The following GRM5 variants were observed in gnomAD, a reference collection of about 807,000 sequenced individuals.
The protein encoded by GRM5 is glutamate metabotropic receptor 5.
GRM5 carries 19 observed loss-of-function variants against 83.1 expected under a neutral mutation model. The ratio of observed to expected loss-of-function variants is 0.23; its 90% CI spans 0.16 to 0.34. The LOEUF (loss-of-function observed/expected upper bound fraction) is 0.34, where lower values mean the gene tolerates loss of function less well. GRM5 is among the 10% of genes least tolerant of loss of function. The pLI is 1.00. For synonymous variants in GRM5, 675 were observed against 633.6 expected (o/e 1.07, Z -0.98); for missense variants, 1,160 against 1,588.3 (o/e 0.73, Z 4.58).
chr11:89,029,725 T>G (rs1941216814), intron 2 of GRM5, among the ~76,000 whole-genome samples: 1 of 152,182 alleles, frequency 6.6e-6, no homozygotes, highest in Non-Finnish European at 1.5e-5. Flanking sequence ...TGAGGCCTAC[T>G]GAAACTTTTT....
At chr11:88,911,320 G>C (rs1682521008) in intron 2 of GRM5, among the ~76,000 whole-genome samples, 1 of 152,078 alleles carries the variant, frequency 6.6e-6, no homozygotes, top group African/African-American at 2.4e-5. Flanking sequence ...AGCTTGTGTG[G>C]TGTCTGTATC....
chr11:88,987,511 G>A (rs1201190503), intron 2 of GRM5, among the ~76,000 whole-genome samples: 1 of 151,762 alleles, frequency 6.6e-6, no homozygotes, highest in African/African-American at 2.4e-5. Flanking sequence ...GCCCACCACA[G>A]CTCAAGGAGG....
chr11:88,516,723 G>GTTT (rs5793328), intron 9 of GRM5, among the ~76,000 whole-genome samples: 2 of 148,338 alleles, frequency 1.3e-5, no homozygotes, highest in African/African-American at 2.5e-5. Context: ...GATTATCCTG[G>GTTT]TTTTTTTTTT....
chr11:88,596,809 CGT>C (rs1937820307), intron 6 of GRM5, among the ~76,000 whole-genome samples: 2 of 151,950 alleles, frequency 1.3e-5, no homozygotes, highest in Admixed American at 1.3e-4. Context: ...GACAATAAAG[CGT>C]GTCTCATTTA....
intron 2 of GRM5, among the ~76,000 whole-genome samples, chr11:88,953,036 TAGAG>T (rs1346944791): frequency 1.3e-5 from 2 of 152,172 alleles, no homozygotes; most frequent in African/African-American, 4.8e-5. Flanking sequence ...ATAAAATGAA[TAGAG>T]AGTGAAGAAA....
chr11:88,529,419 C>T lies in GRM5; in HGVS notation c.2631-4015G>A, dbSNP rs186044273. On this transcript the variant is annotated intron_variant, in intron 8 of 9. Coordinates refer to ENST00000305447, the MANE Select transcript of GRM5 (RefSeq NM_001143831.3). Reference sequence around the variant, plus strand: ...TCTGAAAAATTGAGCAGACATGCACCGTGAAGAGAAAATCAGGTGCAAACA... The same window carrying T: ...TCTGAAAAATTGAGCAGACATGCACTGTGAAGAGAAAATCAGGTGCAAACA... 2.8e-3 allele frequency among the ~76,000 whole-genome samples: 419 copies of T among 150,782 alleles called. 2 individuals carry two copies. Among genetic ancestry groups the T allele is most frequent in the African/African-American group, 8.3e-3 (339 of 41,060 alleles).
At chr11:88,729,279 G>T (rs773386810) in intron 3 of GRM5, among the ~76,000 whole-genome samples, 12 of 151,854 alleles carry the variant, frequency 7.9e-5, no homozygotes, top group African/African-American at 1.2e-4. Flanking sequence ...ATTCACAGTT[G>T]CTACAAAGAG....
At chr11:88,830,661 C>T (rs1943973270) in intron 3 of GRM5, among the ~76,000 whole-genome samples, 1 of 152,198 alleles carries the variant, frequency 6.6e-6, no homozygotes, top group Non-Finnish European at 1.5e-5. Context: ...TCTACCCACA[C>T]TGGCTGTGAG....
At chr11:89,015,714 A>G (rs1250659079) in intron 2 of GRM5, among the ~76,000 whole-genome samples, 2 of 152,150 alleles carry the variant, frequency 1.3e-5, no homozygotes, top group Non-Finnish European at 2.9e-5. Context: ...TGTACATTGA[A>G]CTTTTCATTA....
At chr11:88,821,344 C>CAAAAAAAAAAAAAAAAAAAAAAAA (rs375051761) in intron 3 of GRM5, among the ~76,000 whole-genome samples, 1 of 68,166 alleles carries the variant, frequency 1.5e-5, no homozygotes, top group African/African-American at 4.4e-5. Context: ...CTTGAGGGGC[C>CAAAAAAAAAAAAAAAAAAAAAAAA]AAAAAAAAAA....
intron 2 of GRM5, among the ~76,000 whole-genome samples, chr11:89,029,102 G>A (rs1044732111): frequency 6.6e-6 from 1 of 152,174 alleles, no homozygotes; most frequent in Non-Finnish European, 1.5e-5. Flanking sequence ...CCCTGCAAAG[G>A]ACGTGAACTC....
chr11:88,728,046 T>C (rs1319958273), intron 3 of GRM5, among the ~76,000 whole-genome samples: 3 of 151,514 alleles, frequency 2.0e-5, no homozygotes, highest in South Asian at 2.1e-4. Flanking sequence ...CTAAAGGAGA[T>C]AGAGACATGA....
chr11:88,536,517 C>A (rs1316808893), intron 8 of GRM5, among the ~76,000 whole-genome samples: 1 of 152,150 alleles, frequency 6.6e-6, no homozygotes, highest in Non-Finnish European at 1.5e-5. Context: ...AGTTTTTAAT[C>A]TTGACTTTGC....
At chr11:88,669,177 G>T (rs991040464) in intron 3 of GRM5, among the ~76,000 whole-genome samples, 1 of 152,030 alleles carries the variant, frequency 6.6e-6, no homozygotes. Flanking sequence ...AGAAAATGTG[G>T]TATATACATA....
chr11:88,928,299 T>G (rs1043598950), intron 2 of GRM5, among the ~76,000 whole-genome samples: 6 of 152,038 alleles, frequency 3.9e-5, no homozygotes, highest in Non-Finnish European at 7.4e-5. Context: ...GGGCCCCAGT[T>G]ACTTCATCTG....
chr11:88,614,474 A>T (rs1938414311), intron 4 of GRM5, among the ~76,000 whole-genome samples: 1 of 152,156 alleles, frequency 6.6e-6, no homozygotes. Flanking sequence ...ACCTGATGGG[A>T]TGCCCATTAG....
chr11:88,589,410 G>A (rs967466843), intron 7 of GRM5, among the ~76,000 whole-genome samples: 3 of 150,444 alleles, frequency 2.0e-5, no homozygotes, highest in East Asian at 1.9e-4. Flanking sequence ...TATTAAATCA[G>A]ATTTTTTTTT....
chr11:88,700,313 C>T (rs1434585744), intron 3 of GRM5, among the ~76,000 whole-genome samples: 1 of 152,080 alleles, frequency 6.6e-6, no homozygotes, highest in Non-Finnish European at 1.5e-5. Context: ...TAGCTATCCT[C>T]TGTTATCAGG....
intron 2 of GRM5, chr11:88,911,963 T>C (rs2135611271): frequency 2.2e-6 from 1 of 452,576 alleles, no homozygotes; most frequent in South Asian, 1.6e-5. Context: ...ACGAAATTTT[T>C]TATTGTCTTA....
Sources: allele counts gnomAD v4.1 joint callset (sites outside exome capture counted in the v4.1 genomes callset), GRCh38; gene constraint gnomAD v4.1.1; transcripts MANE v1.5; gene names NCBI Gene and HGNC (gene_info 2026-07-23, HGNC 2026-07-21).